EPB41: variants seen among roughly 807,000 people sequenced by gnomAD.
EPB41 encodes the protein erythrocyte membrane protein band 4.1, also known as protein 4.1.
EPB41 carries 65 observed loss-of-function variants against 108.0 expected under a neutral mutation model. The ratio of observed to expected loss-of-function variants is 0.60; its 90% CI spans 0.49 to 0.74. EPB41 has a LOEUF of 0.74. EPB41 is among the 30% of genes least tolerant of loss of function. EPB41 has a pLI of 0.00. For synonymous variants in EPB41, 336 were observed against 358.9 expected (o/e 0.94, Z 0.72); for missense variants, 875 against 1,037.0 (o/e 0.84, Z 2.15).
At position 29,030,462 on chromosome 1, in the gene EPB41, A is replaced by G. The variant is rs201227668; in HGVS notation, c.1187A>G (p.Tyr396Cys). The G allele has an allele frequency of 1.8e-4, 290 of 1,613,946 alleles. No individual in the cohort carries two copies. The highest frequency in any genetic ancestry group is 2.4e-4 in the Non-Finnish European group (278 of 1,179,946). ...GAGAATGCCAAAAAGTTGTCTATGT[A>G]TGGAGTTGATCTTCATAAAGCAAAG... ...FLENAKKLSM[Y>C]GVDLHKAKDL... Residue 396 changes from tyrosine (Y) to cysteine (C), a missense_variant, in exon 8 of 21, where the codon TAT (tyrosine) becomes TGT (cysteine). Tyr to Cys is a radical substitution (Grantham distance 194, BLOSUM62 -2). This residue lies in a region of EPB41 where 519 missense variants were observed against 627.3 expected (regional missense o/e 0.83). Coordinates refer to ENST00000343067, the MANE Select transcript of EPB41 (RefSeq NM_001376013.1).
intron 1 of EPB41, among the ~76,000 whole-genome samples, chr1:28,921,465 C>T (rs116524733): frequency 6.6e-6 from 1 of 152,242 alleles, no homozygotes; most frequent in African/African-American, 2.4e-5. Flanking sequence ...GCAGGACTCT[C>T]AGGAGTGCCA....
At chr1:29,016,198 G>A (rs1033767123) in intron 6 of EPB41, among the ~76,000 whole-genome samples, 9 of 152,162 alleles carry the variant, frequency 5.9e-5, no homozygotes, top group Admixed American at 1.3e-4. Context: ...TTTTTGAGAC[G>A]GAGTCTCGCT....
At chr1:29,047,537 A>T (rs1643652228) in intron 11 of EPB41, among the ~76,000 whole-genome samples, 1 of 150,884 alleles carries the variant, frequency 6.6e-6, no homozygotes, top group Non-Finnish European at 1.5e-5. Context: ...TATAGGTGTG[A>T]GTCATCGCAC....
chr1:29,001,835 T>C (rs2096299282), intron 4 of EPB41, among the ~76,000 whole-genome samples: 2 of 152,204 alleles, frequency 1.3e-5, no homozygotes, highest in Admixed American at 1.3e-4. Flanking sequence ...TTTACAATTA[T>C]ATATCTTGGT....
At chr1:28,898,805 A>G (rs1308377537) in intron 1 of EPB41, among the ~76,000 whole-genome samples, 1 of 152,202 alleles carries the variant, frequency 6.6e-6, no homozygotes, top group Non-Finnish European at 1.5e-5. Context: ...CACCCCCTGC[A>G]CTAGATGCCC....
chr1:28,961,134 G>A (rs1030839343), intron 1 of EPB41, among the ~76,000 whole-genome samples: 1 of 150,894 alleles, frequency 6.6e-6, no homozygotes. Flanking sequence ...GTATCTAGAA[G>A]AATCATAACC....
chr1:28,913,655 T>G (rs2092375534), upstream of EPB41, among the ~76,000 whole-genome samples: 2 of 152,140 alleles, frequency 1.3e-5, no homozygotes. Context: ...CTGCTTCAGT[T>G]TCCTCATCTC....
intron 9 of EPB41, 120 bp downstream of exon 9, chr1:29,033,365 C>A: frequency 8.5e-7 from 1 of 1,170,354 alleles, no homozygotes; most frequent in Non-Finnish European, 1.2e-6. Flanking sequence ...TATTGAAGGG[C>A]TGATAATTCC....
Position 28,887,525 on chromosome 1 carries a change from G to A in EPB41, c.-8+315G>A. ...TGTCTGGGGCGGGGGTCCTGCATTCGGTGTCCGCGGGAGAGTCCCTGCAGG... is the reference window on the plus strand; with the variant it reads ...TGTCTGGGGCGGGGGTCCTGCATTCAGTGTCCGCGGGAGAGTCCCTGCAGG... On this transcript the variant is annotated intron_variant, in intron 1 of 16. Transcript: ENST00000347529. This position sits in a 1 kb window ranked among gnomAD's most constrained non-coding sequence, Gnocchi z 4.9. The A allele has an allele frequency of 4.1e-6, 4 of 985,198 alleles. No individual in the cohort carries two copies. Among genetic ancestry groups the A allele is most frequent in the Non-Finnish European group, 4.8e-6 (4 of 829,844 alleles). The allele number at this position is 985,198 out of a possible 1,614,324, so 61.0% of individuals were successfully genotyped here.
intron 1 of EPB41, among the ~76,000 whole-genome samples, chr1:28,936,681 C>T (rs1356766881): frequency 6.6e-6 from 1 of 152,212 alleles, no homozygotes; most frequent in Non-Finnish European, 1.5e-5. Flanking sequence ...ATTCACTTAG[C>T]ATGTTTCCAA....
At chr1:28,966,004 G>A (rs576194516) in intron 1 of EPB41, among the ~76,000 whole-genome samples, 2 of 152,022 alleles carry the variant, frequency 1.3e-5, no homozygotes, top group East Asian at 3.9e-4. Context: ...CCAACATGAC[G>A]AAACCTCATC....
At chr1:28,902,802 G>A (rs1428646257) in intron 1 of EPB41, among the ~76,000 whole-genome samples, 2 of 152,194 alleles carry the variant, frequency 1.3e-5, no homozygotes, top group African/African-American at 2.4e-5. Flanking sequence ...TTAAGTGGCT[G>A]TGTAGCTACT....
chr1:29,096,541 A>G, intron 16 of EPB41: 1 of 985,842 alleles, frequency 1.0e-6, no homozygotes, highest in Non-Finnish European at 1.2e-6. Flanking sequence ...CTGGAAAACA[A>G]AATGGATCAT....
intron 1 of EPB41, among the ~76,000 whole-genome samples, chr1:28,958,273 AC>A (rs1349602723): frequency 6.6e-6 from 1 of 152,056 alleles, no homozygotes; most frequent in Non-Finnish European, 1.5e-5. Flanking sequence ...ATATGGTAAA[AC>A]CCTGTTTGTA....
intron 1 of EPB41, among the ~76,000 whole-genome samples, chr1:28,900,794 C>T (rs111897701): frequency 6.2e-4 from 94 of 152,260 alleles, no homozygotes; most frequent in African/African-American, 2.2e-3. Flanking sequence ...AGCACACTTC[C>T]ACCCCAGGGA....
intron 1 of EPB41, among the ~76,000 whole-genome samples, chr1:28,931,372 T>TA (rs533690754): frequency 0.027 from 2,637 of 98,850 alleles, 80 homozygotes; most frequent in African/African-American, 0.083. Context: ...ACTCTGTCAT[T>TA]AAAAAAAAAA....
intron 1 of EPB41, among the ~76,000 whole-genome samples, chr1:28,940,283 C>T (rs965758793): frequency 2.6e-5 from 4 of 152,124 alleles, no homozygotes; most frequent in African/African-American, 9.7e-5. Flanking sequence ...TTAAAATATA[C>T]GAAATCAGAT....
At chr1:28,997,569 A>G (rs2149690246) in intron 4 of EPB41, among the ~76,000 whole-genome samples, 1 of 152,342 alleles carries the variant, frequency 6.6e-6, no homozygotes, top group Non-Finnish European at 1.5e-5. Context: ...CAAGGAAAAT[A>G]AAGAGGTATG....
intron 16 of EPB41, among the ~76,000 whole-genome samples, chr1:29,091,629 C>A (rs2151415165): frequency 6.6e-6 from 1 of 152,194 alleles, no homozygotes; most frequent in South Asian, 2.1e-4. Context: ...TGTATTTTAT[C>A]TTCAGAACCC....
Sources: gnomAD v4.1 joint callset for allele counts (sites outside exome capture counted in the v4.1 genomes callset) on GRCh38, gnomAD v4.1.1 for gene constraint, gnomAD v4.1.1 regional missense constraint, Gnocchi (gnomAD v3.1) non-coding constraint, MANE v1.5 for transcripts, NCBI Gene and HGNC (gene_info 2026-07-23, HGNC 2026-07-21) for gene names.